The following SEC24A variants were observed in gnomAD, a reference collection of about 807,000 sequenced individuals.
SEC24A encodes SEC24 homolog A, COPII component, also known as protein transport protein Sec24A.
Under a neutral mutation model 129.4 loss-of-function variants are expected in SEC24A, and 93 were observed. The ratio of observed to expected loss-of-function variants is 0.72; its 90% CI spans 0.61 to 0.85. SEC24A has a LOEUF of 0.85. Among genes scored for constraint, SEC24A ranks in the 40% least tolerant of loss-of-function variants. The pLI is 0.00. For missense variants in SEC24A, 1,264 were observed against 1,307.4 expected, an observed-to-expected ratio of 0.97 and a Z score of 0.51; for synonymous variants, 460 against 467.3, an observed-to-expected ratio of 0.98 and a Z score of 0.20.
chr5:134,666,939 A>C lies in SEC24A; in HGVS notation c.682A>C (p.Thr228Pro), dbSNP rs1390383926. 7.4e-6 allele frequency: 12 copies of C among 1,613,498 alleles called. No homozygotes were observed. The highest frequency in any genetic ancestry group is 1.3e-5 in the African/African-American group (1 of 74,880). The change falls in exon 3 of 23, where the codon ACA becomes CCA. Residue 228 changes from threonine to proline, a missense_variant. Thr to Pro is a conservative substitution (Grantham distance 38, BLOSUM62 -1). Transcript: ENST00000398844. ...PPPVRALTPLTSSYRDVPQPL... is the reference protein window; with the variant it reads ...PPPVRALTPLPSSYRDVPQPL... ...CCCAGTGAGGGCCCTCACGCCCCTG[A>C]CATCATCATATAGAGATGTACCCCA...
intron 1 of SEC24A, among the ~76,000 whole-genome samples, chr5:134,654,230 A>G (rs1253532544): frequency 6.6e-6 from 1 of 151,670 alleles, no homozygotes; most frequent in Middle Eastern, 3.4e-3. Context: ...ATATATATAT[A>G]TATTTTTTGA....
intron 16 of SEC24A, among the ~76,000 whole-genome samples, chr5:134,705,090 A>ATATTTTT (rs1180461537): frequency 3.5e-4 from 43 of 123,290 alleles, no homozygotes; most frequent in African/African-American, 1.2e-3. Flanking sequence ...ATATATATAT[A>ATATTTTT]TTTTTTTTTT....
At position 134,700,864 on chromosome 5, in the gene SEC24A, G is replaced by A. The variant is rs574696900; in HGVS notation, c.2266+2807G>A. The stretch of plus-strand genomic sequence containing the variant: ...CTCCCAAGTAGCTGGAACTACAGGC[G>A]CCTGCTACCACTCCCAGCTAATTTT... On this transcript the variant is annotated intron_variant, in intron 15 of 22. Coordinates refer to ENST00000398844, the MANE Select transcript of SEC24A (RefSeq NM_021982.3). Among the ~76,000 whole-genome samples the A allele has an allele frequency of 5.9e-5, 9 of 152,050 alleles. No homozygotes were observed. The South Asian group carries it at 1.0e-3, about 18-fold the overall frequency.
rs368067235 is a variant in SEC24A at position 134,676,123 on chromosome 5, G to C, written c.1252G>C (p.Val418Leu). The C allele has an allele frequency of 1.3e-5, 21 of 1,594,984 alleles. No individual in the cohort carries two copies. The African/African-American group carries it at 2.7e-4, about 21-fold the overall frequency. The change falls in exon 7 of 23, where the codon GTG becomes CTG. Residue 418 changes from valine (V) to leucine (L), a missense_variant and splice_region_variant. Transcript: ENST00000398844. Reference protein sequence around the residue: ...GLLLHPFKDLVQLPVVTSSTI... With the variant: ...GLLLHPFKDLLQLPVVTSSTI... ...GCTGCTTCATCCTTTCAAAGACTTAGTGGTATGTTTCTTTTCTTTTCTTTT... is the reference window on the plus strand; with the variant it reads ...GCTGCTTCATCCTTTCAAAGACTTACTGGTATGTTTCTTTTCTTTTCTTTT...
Position 134,707,488 on chromosome 5 carries a change from C to G in SEC24A, c.2552-1225C>G, listed in dbSNP as rs553566225. On this transcript the variant is annotated intron_variant, in intron 17 of 22. Coordinates refer to ENST00000398844, the MANE Select transcript of SEC24A (RefSeq NM_021982.3). ...GGGACTACAGGCGCCCGCCATCACACCCGGCTAATTTTTTGTATTTTTAGT... is the reference window on the plus strand; with the variant it reads ...GGGACTACAGGCGCCCGCCATCACAGCCGGCTAATTTTTTGTATTTTTAGT... 1.8e-3 allele frequency among the ~76,000 whole-genome samples: 271 copies of G among 152,090 alleles called. 5 individuals are homozygous for G. The highest frequency in any genetic ancestry group is 8.4e-4 in the Non-Finnish European group (57 of 67,994).
Position 134,649,157 on chromosome 5 carries a change from G to T in SEC24A, c.81G>T (p.Gly27=). The change falls in exon 1 of 23, where the codon GGG becomes GGT. Residue 27 remains glycine, a synonymous_variant. Transcript: ENST00000398844. The stretch of plus-strand genomic sequence containing the variant: ...AGAACGGAGCCGCCTTGGCCTCGGG[G>T]TCTCCCTACACCAACGGTGAGTGCT... The part of the protein sequence containing the change: ...QAQNGAALAS[G]SPYTNGPVQN... 6.2e-7 allele frequency: 1 copy of T among 1,609,642 alleles called. No homozygotes were observed. The highest frequency in any genetic ancestry group is 8.5e-7 in the Non-Finnish European group (1 of 1,178,196).
At chr5:134,720,085 A>AC (rs1290178155) in intron 20 of SEC24A, among the ~76,000 whole-genome samples, 1 of 152,244 alleles carries the variant, frequency 6.6e-6, no homozygotes, top group African/African-American at 2.4e-5. Context: ...GCCTAAATGT[A>AC]CAGTGTTTGT....
At position 134,671,856 on chromosome 5, in the gene SEC24A, T is replaced by C. The variant is rs1305608288; in HGVS notation, c.787T>C (p.Tyr263His). Residue 263 changes from tyrosine to histidine, a missense_variant, in exon 4 of 23, where the codon TAC (tyrosine) becomes CAC (histidine). Physicochemically the swap from Tyr to His is moderately conservative, Grantham distance 83. Transcript: ENST00000398844. The part of the protein sequence containing the change: ...NNGSMVVHSS[Y>H]DEIEGGGLLA... ...CGGATCTATGGTGGTCCACAGTAGT[T>C]ACGACGAGATTGAAGGAGGTGGCTT... 1 of 1,609,846 alleles carries C rather than the reference T, an allele frequency of 6.2e-7. No homozygotes were observed. Among genetic ancestry groups the C allele is most frequent in the Middle Eastern group, 1.7e-4 (1 of 6,052 alleles).
rs1385293452 is a variant in SEC24A at position 134,709,922 on chromosome 5, CAG to C, written c.2727+1037_2727+1038del. 9.2e-5 allele frequency among the ~76,000 whole-genome samples: 14 copies of C among 152,036 alleles called. No homozygotes were observed. In the East Asian group the frequency reaches 2.5e-3, roughly 27 times the overall value. ...TACACTTCTCTTTTCTTTTTTGAGA[CAG>C]AGTCTTGCTCTGTCACCCAGGCTGG... is the stretch of plus-strand genomic sequence containing the variant. On this transcript the variant is annotated intron_variant, in intron 18 of 22. Coordinates refer to ENST00000398844, the MANE Select transcript of SEC24A (RefSeq NM_021982.3).
At chr5:134,723,922 G>A (rs1032504869) in intron 22 of SEC24A, among the ~76,000 whole-genome samples, 2 of 152,034 alleles carry the variant, frequency 1.3e-5, no homozygotes, top group African/African-American at 2.4e-5. Context: ...GATCAAATTC[G>A]GCTAATTAAC....
At chr5:134,668,492 G>A (rs1193099944) in intron 3 of SEC24A, among the ~76,000 whole-genome samples, 1 of 152,188 alleles carries the variant, frequency 6.6e-6, no homozygotes, top group Non-Finnish European at 1.5e-5. Context: ...TTGGGAGGCC[G>A]AGGTGGGCGG....
In SEC24A at chr5:134,705,440, A is replaced by T. The variant is rs762251018; in HGVS notation, c.2551+3A>T. 1.3e-6 allele frequency: 2 copies of T among 1,556,030 alleles called. No individual in the cohort carries two copies. Among genetic ancestry groups the T allele is most frequent in the Non-Finnish European group, 1.8e-6 (2 of 1,128,842 alleles). On this transcript the variant is annotated splice_donor_region_variant and intron_variant, in intron 17 of 22. Transcript: ENST00000398844. ...TTCAGGGTTATTGGCCAATATGGGTAAGAGTTGTTATCTGTTATAAATATC... is the reference window on the plus strand; with the variant it reads ...TTCAGGGTTATTGGCCAATATGGGTTAGAGTTGTTATCTGTTATAAATATC...
intron 9 of SEC24A, among the ~76,000 whole-genome samples, chr5:134,682,714 A>G (rs1347936499): frequency 1.3e-5 from 2 of 152,042 alleles, no homozygotes; most frequent in Non-Finnish European, 2.9e-5. Flanking sequence ...AGCTGGGGCT[A>G]TAGGCACGCA....
upstream of SEC24A, chr5:134,648,723 G>C (rs576408448): frequency 4.1e-5 from 7 of 170,852 alleles, no homozygotes; most frequent in African/African-American, 1.7e-4. Context: ...CGGCTGCTGC[G>C]AGCCCGGAGC....
intron 2 of SEC24A, among the ~76,000 whole-genome samples, chr5:134,665,605 G>A (rs1343438160): frequency 6.6e-6 from 1 of 151,860 alleles, no homozygotes; most frequent in Non-Finnish European, 1.5e-5. Context: ...TGCCCAGGCT[G>A]GAGTGCAGTG....
chr5:134,655,454 G>T (rs969088207), intron 1 of SEC24A, among the ~76,000 whole-genome samples: 2 of 152,064 alleles, frequency 1.3e-5, no homozygotes, highest in African/African-American at 4.8e-5. Flanking sequence ...TTCAAGACCA[G>T]CCTGGCCAAC....
rs1181647574 is a variant in SEC24A, at chr5:134,675,201, C to G, written c.1135C>G (p.Leu379Val). Residue 379 changes from leucine to valine, a missense_variant, in exon 6 of 23, where the codon CTC (leucine) becomes GTC (valine). By Grantham distance (32) the Leu-to-Val change is conservative. Transcript: ENST00000398844. ...VPNLHEDIQK[L>V]NCNPELFRCT... ...AAATTTGCATGAAGACATCCAGAAA[C>G]TCAACTGTAACCCAGAGTAAGGCTT... 1.9e-6 allele frequency: 3 copies of G among 1,611,486 alleles called. No homozygotes were observed. The Admixed American group carries it at 5.0e-5, about 27-fold the overall frequency.
chr5:134,692,990 G>T (rs12653305), intron 12 of SEC24A: 1 of 1,492,150 alleles, frequency 6.7e-7, no homozygotes, highest in East Asian at 2.5e-5. Flanking sequence ...AAGCACATTA[G>T]GTAGGCTGCT....
At chr5:134,722,853 T>C (rs1752663122) in intron 21 of SEC24A, among the ~76,000 whole-genome samples, 1 of 152,022 alleles carries the variant, frequency 6.6e-6, no homozygotes, top group African/African-American at 2.4e-5. Context: ...AGGTGATTCA[T>C]ATACATGTTA....
Sources: gnomAD v4.1 joint callset for allele counts (sites outside exome capture counted in the v4.1 genomes callset) on GRCh38, gnomAD v4.1.1 for gene constraint, MANE v1.5 for transcripts, NCBI Gene and HGNC (gene_info 2026-07-23, HGNC 2026-07-21) for gene names.